Variants in TMOD1 observed in about 807,000 individuals in gnomAD.
TMOD1 encodes the protein tropomodulin-1.
A neutral mutation model predicts 40.6 loss-of-function variants in TMOD1; 17 were observed. The observed-to-expected ratio is 0.42, with a 90% CI of 0.29 to 0.63. TMOD1 has a LOEUF of 0.63. Among genes scored for constraint, TMOD1 ranks in the 20% least tolerant of loss-of-function variants. TMOD1 has a pLI of 0.22. For missense variants in TMOD1, 391 were observed against 447.6 expected, an observed-to-expected ratio of 0.87 and a Z score of 1.14; for synonymous variants, 181 against 175.0, an observed-to-expected ratio of 1.03 and a Z score of -0.27.
chr9:97,569,600 C>T (rs1032790008), intron 8 of TMOD1, among the ~76,000 whole-genome samples: 4 of 152,152 alleles, frequency 2.6e-5, no homozygotes, highest in Admixed American at 6.5e-5. Flanking sequence ...ATTTTATCTG[C>T]GGGGCAACTC....
intron 3 of TMOD1, among the ~76,000 whole-genome samples, chr9:97,553,072 AATC>A (rs1285024395): frequency 6.6e-6 from 1 of 152,148 alleles, no homozygotes; most frequent in Non-Finnish European, 1.5e-5. Context: ...CAAGTTATAA[AATC>A]ATTCTTTTCA....
chr9:97,566,966 C>T (rs888132252), intron 7 of TMOD1, among the ~76,000 whole-genome samples: 2 of 152,164 alleles, frequency 1.3e-5, no homozygotes, highest in African/African-American at 4.8e-5. Context: ...TAAAGGGTAA[C>T]AGTACAGTGC....
At chr9:97,524,428 C>A in intron 2 of TMOD1, 120 bp downstream of exon 2, 4 of 1,276,194 alleles carry the variant, frequency 3.1e-6, no homozygotes, top group South Asian at 1.5e-5. Flanking sequence ...ATTGGTATAA[C>A]TTTGCCTTTG....
In TMOD1 at chr9:97,546,182, T is replaced by C; in HGVS notation, c.121-3T>C. The C allele has an allele frequency of 6.2e-7, 1 of 1,607,616 alleles. No homozygotes were observed. Among genetic ancestry groups the C allele is most frequent in the Non-Finnish European group, 8.5e-7 (1 of 1,178,074 alleles). Reference sequence around the variant, plus strand: ...TCCTGCCCCCCCACAACCTCCAATGTAGAATGCACTGCTGCCTGCAGGCCT... The same window carrying C: ...TCCTGCCCCCCCACAACCTCCAATGCAGAATGCACTGCTGCCTGCAGGCCT... On this transcript the variant is annotated splice_polypyrimidine_tract_variant and splice_region_variant and intron_variant, in intron 2 of 9. Transcript: ENST00000259365.
At position 97,539,986 on chromosome 9, in the gene TMOD1, A is replaced by G. The variant is rs187230801; in HGVS notation, c.121-6199A>G. On this transcript the variant is annotated intron_variant, in intron 2 of 9. Transcript: ENST00000259365. ...GACTCTGTCTCAAAAAAAAAAAAAA[A>G]AAAAGAAAAGAAAAAAAGAAAAAGA... is the stretch of plus-strand genomic sequence containing the variant. Among the ~76,000 whole-genome samples, 1,113 of 151,422 alleles carry G rather than the reference A, an allele frequency of 7.4e-3. 12 individuals are homozygous for G. Among genetic ancestry groups the G allele is most frequent in the African/African-American group, 0.025 (1,019 of 41,224 alleles).
intron 4 of TMOD1, among the ~76,000 whole-genome samples, chr9:97,558,642 C>G: frequency 6.6e-6 from 1 of 152,160 alleles, no homozygotes; most frequent in East Asian, 1.9e-4. Flanking sequence ...CGGGGTTTCA[C>G]CATGTTGGCC....
At chr9:97,586,854 C>A (rs918960979) in intron 8 of TMOD1, among the ~76,000 whole-genome samples, 1 of 152,250 alleles carries the variant, frequency 6.6e-6, no homozygotes, top group Non-Finnish European at 1.5e-5. Context: ...ATGCCTCGCC[C>A]TGCTTCGGCT....
intron 2 of TMOD1, among the ~76,000 whole-genome samples, chr9:97,538,294 T>G (rs1830217093): frequency 6.6e-6 from 1 of 152,158 alleles, no homozygotes; most frequent in Admixed American, 6.5e-5. Flanking sequence ...GATGAGCAAA[T>G]TTCCAATTGT....
chr9:97,550,334 C>G (rs1395167951), intron 3 of TMOD1, among the ~76,000 whole-genome samples: 1 of 152,192 alleles, frequency 6.6e-6, no homozygotes, highest in Non-Finnish European at 1.5e-5. Flanking sequence ...TTTGAACATT[C>G]TTGTAGAAGT....
intron 2 of TMOD1, among the ~76,000 whole-genome samples, chr9:97,541,205 T>C (rs1830270793): frequency 6.6e-6 from 1 of 152,186 alleles, no homozygotes; most frequent in African/African-American, 2.4e-5. Flanking sequence ...TTATTTTTAT[T>C]TTTTTGAGAT....
At chr9:97,518,915 G>C (rs1238373781) in intron 1 of TMOD1, among the ~76,000 whole-genome samples, 1 of 152,156 alleles carries the variant, frequency 6.6e-6, no homozygotes, top group Non-Finnish European at 1.5e-5. Flanking sequence ...CAAATATCTG[G>C]GGCATAAAGG....
chr9:97,594,872 T>C (rs978802559), intron 9 of TMOD1, among the ~76,000 whole-genome samples: 10 of 152,082 alleles, frequency 6.6e-5, no homozygotes, highest in African/African-American at 2.4e-4. Flanking sequence ...TCAGGTCCTC[T>C]AAATCTGCCA....
chr9:97,569,120 C>A, intron 8 of TMOD1, 83 bp downstream of exon 8: 1 of 1,539,412 alleles, frequency 6.5e-7, no homozygotes, highest in Admixed American at 1.8e-5. Flanking sequence ...CTGGATGGAG[C>A]TGAGAATGCT....
chr9:97,532,060 A>G (rs1189413522), intron 2 of TMOD1, among the ~76,000 whole-genome samples: 1 of 152,198 alleles, frequency 6.6e-6, no homozygotes, highest in Non-Finnish European at 1.5e-5. Context: ...CACTCTTGCC[A>G]TCCAGGAAGC....
intron 2 of TMOD1, among the ~76,000 whole-genome samples, chr9:97,535,219 G>T (rs1219942690): frequency 6.6e-6 from 1 of 152,204 alleles, no homozygotes; most frequent in Non-Finnish European, 1.5e-5. Context: ...AAGGAGCAGA[G>T]GTAGAGAGGC....
At chr9:97,568,542 C>T (rs1369384473) in intron 7 of TMOD1, among the ~76,000 whole-genome samples, 1 of 152,028 alleles carries the variant, frequency 6.6e-6, no homozygotes, top group Non-Finnish European at 1.5e-5. Context: ...AAGGGAATTC[C>T]AGGTGGGAGG....
chr9:97,579,972 CTCTG>C (rs975254381), intron 8 of TMOD1, among the ~76,000 whole-genome samples: 15 of 152,192 alleles, frequency 9.9e-5, no homozygotes, highest in Admixed American at 3.3e-4. Flanking sequence ...TGGAGTAGAT[CTCTG>C]TCTGCACCAG....
rs372207704 is a variant in TMOD1 at position 97,563,990 on chromosome 9, T to C, written c.488-48T>C. On this transcript the variant is annotated intron_variant, in intron 5 of 9. Transcript: ENST00000259365. Reference sequence around the variant, plus strand: ...ACAGTATCTTTGTGTTGGCAGAAAGTGAGCCCCTTGTTTCTGTGAGCCACC... The same window carrying C: ...ACAGTATCTTTGTGTTGGCAGAAAGCGAGCCCCTTGTTTCTGTGAGCCACC... The C allele has an allele frequency of 2.0e-5, 31 of 1,588,768 alleles. No individual in the cohort carries two copies. In the African/African-American group the frequency reaches 3.8e-4, roughly 19 times the overall value.
chr9:97,515,415 G>A (rs1829789476), intron 1 of TMOD1, among the ~76,000 whole-genome samples: 1 of 152,012 alleles, frequency 6.6e-6, no homozygotes, highest in African/African-American at 2.4e-5. Flanking sequence ...AAGTAGCTGG[G>A]ACTACAGGCA....
Sources: gnomAD v4.1 joint callset for allele counts (sites outside exome capture counted in the v4.1 genomes callset) on GRCh38, gnomAD v4.1.1 for gene constraint, MANE v1.5 for transcripts, NCBI Gene and HGNC (gene_info 2026-07-23, HGNC 2026-07-21) for gene names.